Variants in ARHGEF28 observed in about 807,000 individuals in gnomAD.
The protein encoded by ARHGEF28 is 190 kDa guanine nucleotide exchange factor.
A neutral mutation model predicts 206.6 loss-of-function variants in ARHGEF28; 152 were observed. That is an observed-to-expected ratio of 0.74 (90% confidence interval 0.64 to 0.84). ARHGEF28 has a LOEUF of 0.84. ARHGEF28 is among the 40% of genes least tolerant of loss of function. The pLI, the probability that ARHGEF28 is intolerant of heterozygous loss-of-function variation, is 0.00. For missense variants in ARHGEF28, 2,028 were observed against 2,073.2 expected (o/e 0.98, Z 0.42); for synonymous variants, 763 against 776.4 (o/e 0.98, Z 0.29).
intron 9 of ARHGEF28, among the ~76,000 whole-genome samples, chr5:73,797,383 CTT>C (rs1754883675): frequency 6.6e-6 from 1 of 152,116 alleles, no homozygotes; most frequent in South Asian, 2.1e-4. Context: ...CTTCAACACT[CTT>C]TTGTTATTTG....
intron 20 of ARHGEF28, 137 bp from the exon 21 acceptor site, chr5:73,869,932 G>C (rs1759987167): frequency 9.8e-7 from 1 of 1,025,024 alleles, no homozygotes; most frequent in South Asian, 1.8e-5. Context: ...TTCACTCCAT[G>C]TTAATATGTT....
intron 21 of ARHGEF28, among the ~76,000 whole-genome samples, chr5:73,871,354 T>C (rs1760094762): frequency 6.6e-6 from 1 of 152,224 alleles, no homozygotes; most frequent in Non-Finnish European, 1.5e-5. Context: ...GGTAAGTGCT[T>C]AGCATAGAGT....
chr5:73,816,682 T>G (rs1351413810), intron 9 of ARHGEF28, among the ~76,000 whole-genome samples: 1 of 152,228 alleles, frequency 6.6e-6, no homozygotes, highest in Non-Finnish European at 1.5e-5. Flanking sequence ...ATCTAGTACT[T>G]TCTTATCCTT....
chr5:73,790,300 C>A (rs1354907627), intron 7 of ARHGEF28, among the ~76,000 whole-genome samples: 3 of 151,738 alleles, frequency 2.0e-5, no homozygotes, highest in African/African-American at 7.3e-5. Context: ...AGAGGAGGGA[C>A]TTCTCCACTG....
chr5:73,870,115 G>A lies in ARHGEF28; in HGVS notation c.2472G>A (p.Gln824=). The change falls in exon 21 of 36, where the codon CAG becomes CAA. Residue 824 remains glutamine (Q), a synonymous_variant. Coordinates refer to ENST00000513042, the MANE Select transcript of ARHGEF28 (RefSeq NM_001177693.2). ...GGAGTGACCTCAGCAGTGATGCCCA[G>A]GAGTTTGAAGCAGAATCTTGGAGTC... ...SLWSDLSSDA[Q]EFEAESWSLV... 6.2e-7 allele frequency: 1 copy of A among 1,613,922 alleles called. No homozygotes were observed. The highest frequency in any genetic ancestry group is 2.2e-5 in the East Asian group (1 of 44,876).
At chr5:73,914,542 G>A (rs1227475106) in intron 35 of ARHGEF28, among the ~76,000 whole-genome samples, 7 of 151,096 alleles carry the variant, frequency 4.6e-5, no homozygotes, top group African/African-American at 1.7e-4. Context: ...GATTACAGGT[G>A]CCCGCCATCA....
At chr5:73,846,202 G>A in intron 11 of ARHGEF28, 66 bp from the exon 12 acceptor site, 2 of 1,461,442 alleles carry the variant, frequency 1.4e-6, no homozygotes, top group Non-Finnish European at 1.9e-6. Flanking sequence ...ATTCAGAGAA[G>A]TAGAAACCAA....
At chr5:73,793,970 A>G (rs539479584) in intron 7 of ARHGEF28, among the ~76,000 whole-genome samples, 1 of 152,034 alleles carries the variant, frequency 6.6e-6, no homozygotes, top group Non-Finnish European at 1.5e-5. Context: ...CCTCTTATAT[A>G]ATGAATTACG....
At chr5:73,914,721 GT>G (rs1318333225) in intron 35 of ARHGEF28, among the ~76,000 whole-genome samples, 2 of 151,358 alleles carry the variant, frequency 1.3e-5, no homozygotes, top group African/African-American at 4.9e-5. Context: ...CTAGAAAGCT[GT>G]TTTGAGCTGT....
chr5:73,686,715 G>C (rs1445073569), intron 2 of ARHGEF28, among the ~76,000 whole-genome samples: 1 of 151,640 alleles, frequency 6.6e-6, no homozygotes, highest in Non-Finnish European at 1.5e-5. Flanking sequence ...GTACAGACAG[G>C]GTTTCACCGT....
chr5:73,801,307 C>T (rs1329586350), intron 9 of ARHGEF28, among the ~76,000 whole-genome samples: 10 of 151,902 alleles, frequency 6.6e-5, no homozygotes, highest in Non-Finnish European at 1.3e-4. Context: ...ATTAGCCAGG[C>T]GTGGTGGTAG....
In ARHGEF28 at chr5:73,941,121, G is replaced by T; in HGVS notation, c.*108G>T. The T allele has an allele frequency of 9.0e-7, 1 of 1,116,802 alleles. No individual in the cohort carries two copies. The highest frequency in any genetic ancestry group is 1.2e-6 in the Non-Finnish European group (1 of 863,138). The allele number at this position is 1,116,802 out of a possible 1,614,324, so 69.2% of individuals were successfully genotyped here. On this transcript the variant is annotated 3_prime_UTR_variant, in exon 36 of 36. Transcript: ENST00000513042. ...ATTGTCTGTGTCCAAATTGCTTTAAGAATAATATTTAATATTTCCTGGAAG... is the reference window on the plus strand; with the variant it reads ...ATTGTCTGTGTCCAAATTGCTTTAATAATAATATTTAATATTTCCTGGAAG...
At chr5:73,706,197 C>A (rs1748919464) in intron 2 of ARHGEF28, among the ~76,000 whole-genome samples, 1 of 152,106 alleles carries the variant, frequency 6.6e-6, no homozygotes, top group South Asian at 2.1e-4. Flanking sequence ...TTGTCCTTAG[C>A]CTCTAAGGTA....
intron 35 of ARHGEF28, among the ~76,000 whole-genome samples, chr5:73,925,567 CA>C (rs1393791822): frequency 6.6e-6 from 1 of 152,188 alleles, no homozygotes; most frequent in Non-Finnish European, 1.5e-5. Context: ...GGAAGAATAT[CA>C]AGGCACAGAG....
intron 1 of ARHGEF28, among the ~76,000 whole-genome samples, chr5:73,630,317 G>T (rs1341135751): frequency 6.6e-6 from 1 of 152,032 alleles, no homozygotes; most frequent in Non-Finnish European, 1.5e-5. Flanking sequence ...CTCATGAAGG[G>T]GGTTAGAATG....
In ARHGEF28 at chr5:73,840,636, G is replaced by A. The variant is rs777404882; in HGVS notation, c.1303G>A (p.Gly435Arg). ...SVYPLSENVE[G>R]TAHTEAQQSF... The stretch of plus-strand genomic sequence containing the variant: ...GTACCCACTTAGTGAAAATGTCGAA[G>A]GGACAGCACACACTGAAGCCCAGCA... The change falls in exon 11 of 36, where the codon GGG (glycine) becomes AGG (arginine). Residue 435 changes from glycine (G) to arginine (R), a missense_variant. Physicochemically the swap from Gly to Arg is moderately radical, Grantham distance 125. Transcript: ENST00000513042. The A allele has an allele frequency of 3.7e-6, 6 of 1,613,716 alleles. No individual in the cohort carries two copies. The highest frequency in any genetic ancestry group is 1.6e-4 in the Middle Eastern group (1 of 6,084).
At chr5:73,841,712 G>GAAAAAAAAAAAAAAAAAAAAAAAA (rs33935657) in intron 11 of ARHGEF28, among the ~76,000 whole-genome samples, 1 of 110,828 alleles carries the variant, frequency 9.0e-6, no homozygotes. Flanking sequence ...TCAAAAAGAA[G>GAAAAAAAAAAAAAAAAAAAAAAAA]AAAAAAAAAA....
chr5:73,820,212 A>G (rs952815468), intron 9 of ARHGEF28, among the ~76,000 whole-genome samples: 1 of 152,208 alleles, frequency 6.6e-6, no homozygotes, highest in Non-Finnish European at 1.5e-5. Flanking sequence ...GGGAAAGGAT[A>G]TATTTTAGCC....
intron 29 of ARHGEF28, among the ~76,000 whole-genome samples, chr5:73,895,340 T>C (rs1761902130): frequency 6.6e-6 from 1 of 151,986 alleles, no homozygotes. Context: ...GTTTATAGAA[T>C]TGAAAATACT....
Sources: allele counts gnomAD v4.1 joint callset (sites outside exome capture counted in the v4.1 genomes callset), GRCh38; gene constraint gnomAD v4.1.1; transcripts MANE v1.5; gene names NCBI Gene and HGNC (gene_info 2026-07-23, HGNC 2026-07-21).